Variants in ALK observed in about 807,000 individuals in gnomAD.
ALK encodes the protein ALK tyrosine kinase receptor.
In ALK, 74 loss-of-function variants were observed where a neutral mutation model predicts 163.1. The ratio of observed to expected loss-of-function variants is 0.45; its 90% CI spans 0.38 to 0.55. The LOEUF (loss-of-function observed/expected upper bound fraction) is 0.55, where lower values mean the gene tolerates loss of function less well. Ranked by LOEUF, ALK falls within the 20% of genes least tolerant of loss-of-function variation. ALK has a pLI of 0.00. For synonymous variants in ALK, 960 were observed against 843.2 expected (o/e 1.14, Z -2.40); for missense variants, 2,063 against 2,105.3 (o/e 0.98, Z 0.39).
At chr2:29,381,688 A>G (rs918793613) in intron 5 of ALK, among the ~76,000 whole-genome samples, 4 of 152,200 alleles carry the variant, frequency 2.6e-5, no homozygotes, top group Non-Finnish European at 5.9e-5. Flanking sequence ...ACCTCCTTCA[A>G]AGACACCATT....
At chr2:29,210,907 T>C (rs1234696693) in intron 24 of ALK, among the ~76,000 whole-genome samples, 2 of 152,176 alleles carry the variant, frequency 1.3e-5, no homozygotes, top group Non-Finnish European at 2.9e-5. Flanking sequence ...TTCTACTCTC[T>C]GCTTACCATT....
chr2:29,840,861 T>A (rs1229209798), intron 1 of ALK, among the ~76,000 whole-genome samples: 1 of 152,218 alleles, frequency 6.6e-6, no homozygotes, highest in Non-Finnish European at 1.5e-5. Flanking sequence ...TTTTACAGAT[T>A]TAAGAAAACT....
At chr2:29,375,681 A>C (rs1668738048) in intron 5 of ALK, among the ~76,000 whole-genome samples, 1 of 152,204 alleles carries the variant, frequency 6.6e-6, no homozygotes, top group Non-Finnish European at 1.5e-5. Flanking sequence ...TTATGAGGGA[A>C]ATCTTTAATG....
At position 29,222,317 on chromosome 2, in the gene ALK, G is replaced by A. The variant is rs774392242; in HGVS notation, c.3515+27C>T. On this transcript the variant is annotated intron_variant, in intron 22 of 28. Transcript: ENST00000389048. Reference sequence around the variant, plus strand: ...TTCTTTGGGGGCAGAGGGGAGTTGGGGTGAGGGTGTCTCTCTGTGGCTTTA... The same window carrying A: ...TTCTTTGGGGGCAGAGGGGAGTTGGAGTGAGGGTGTCTCTCTGTGGCTTTA... 12 of 1,610,676 alleles carry A rather than the reference G, an allele frequency of 7.5e-6. No individual in the cohort carries two copies. The African/African-American group carries it at 1.6e-4, about 22-fold the overall frequency.
At chr2:29,834,009 T>C (rs1042738202) in intron 1 of ALK, among the ~76,000 whole-genome samples, 5 of 152,242 alleles carry the variant, frequency 3.3e-5, no homozygotes, top group East Asian at 3.9e-4. Flanking sequence ...GCAAAATCAA[T>C]AGGACACATG....
At chr2:29,824,957 C>A (rs992980971) in intron 1 of ALK, among the ~76,000 whole-genome samples, 1 of 152,108 alleles carries the variant, frequency 6.6e-6, no homozygotes, top group East Asian at 1.9e-4. Context: ...TGAATTTCCA[C>A]GTATTGTGGG....
At chr2:29,578,342 T>C (rs1674584163) in intron 3 of ALK, among the ~76,000 whole-genome samples, 1 of 152,156 alleles carries the variant, frequency 6.6e-6, no homozygotes, top group Admixed American at 6.5e-5. Context: ...CAGTCTCAGG[T>C]ATGTCTTTAT....
chr2:29,615,072 A>G (rs1472257668), intron 3 of ALK, among the ~76,000 whole-genome samples: 1 of 151,904 alleles, frequency 6.6e-6, no homozygotes, highest in East Asian at 1.9e-4. Context: ...ACCTGCCCCA[A>G]CCTCCCGAAG....
chr2:29,857,204 T>C (rs566360810), intron 1 of ALK, among the ~76,000 whole-genome samples: 6 of 152,230 alleles, frequency 3.9e-5, no homozygotes, highest in African/African-American at 1.4e-4. Context: ...GGGAGGTTGA[T>C]GGGAAGGAAT....
intron 4 of ALK, among the ~76,000 whole-genome samples, chr2:29,526,810 C>A (rs533353850): frequency 6.6e-6 from 1 of 152,250 alleles, no homozygotes; most frequent in Admixed American, 6.5e-5. Flanking sequence ...CCCAGAGCAG[C>A]CTGGGAAAAG....
intron 3 of ALK, among the ~76,000 whole-genome samples, chr2:29,545,450 T>A (rs182862501): frequency 1.3e-4 from 20 of 152,356 alleles, no homozygotes; most frequent in Non-Finnish European, 2.4e-4. Flanking sequence ...GGGACCGTGC[T>A]CATTGGCATG....
At chr2:29,445,474 G>T (rs57249034) in intron 4 of ALK, among the ~76,000 whole-genome samples, 3,131 of 152,286 alleles carry the variant, frequency 0.021, 97 homozygotes, top group African/African-American at 0.07. Context: ...CCCTCACATC[G>T]CTTCCCAGTG....
intron 4 of ALK, among the ~76,000 whole-genome samples, chr2:29,524,452 A>G (rs923006876): frequency 6.6e-6 from 1 of 152,244 alleles, no homozygotes; most frequent in African/African-American, 2.4e-5. Context: ...TGGACCCAGA[A>G]GATCTGTTTC....
chr2:29,327,191 TC>T (rs1457803844), intron 6 of ALK, among the ~76,000 whole-genome samples: 1 of 152,174 alleles, frequency 6.6e-6, no homozygotes, highest in Non-Finnish European at 1.5e-5. Flanking sequence ...GGGAGTCTAC[TC>T]CGCCCCGACT....
At chr2:29,371,408 A>G (rs1246211265) in intron 5 of ALK, among the ~76,000 whole-genome samples, 3 of 152,236 alleles carry the variant, frequency 2.0e-5, no homozygotes, top group African/African-American at 7.2e-5. Context: ...GGAAGACTTC[A>G]GCGTGAGCTT....
At chr2:29,329,336 C>T (rs1295873367) in intron 5 of ALK, among the ~76,000 whole-genome samples, 1 of 152,216 alleles carries the variant, frequency 6.6e-6, no homozygotes, top group Non-Finnish European at 1.5e-5. Flanking sequence ...TCTGGCTTAG[C>T]CTCCCTGACC....
At chr2:29,775,537 C>CAAA (rs770320077) in intron 1 of ALK, among the ~76,000 whole-genome samples, 27 of 115,328 alleles carry the variant, frequency 2.3e-4, no homozygotes, top group African/African-American at 5.8e-4. Flanking sequence ...CCTCCCCCTA[C>CAAA]AAAAAAAAAA....
At chr2:29,223,786 T>C (rs559972861) in intron 19 of ALK, 8 of 532,740 alleles carry the variant, frequency 1.5e-5, no homozygotes, top group East Asian at 9.6e-5. Flanking sequence ...AGAGTCATGT[T>C]AGTCTGGTTC....
intron 3 of ALK, among the ~76,000 whole-genome samples, chr2:29,692,847 G>A (rs1312023548): frequency 6.6e-6 from 1 of 152,172 alleles, no homozygotes; most frequent in Non-Finnish European, 1.5e-5. Context: ...TAATTCAAAT[G>A]TTCAATGACG....
Sources: gnomAD v4.1 joint callset for allele counts (sites outside exome capture counted in the v4.1 genomes callset) on GRCh38, gnomAD v4.1.1 for gene constraint, MANE v1.5 for transcripts, NCBI Gene and HGNC (gene_info 2026-07-23, HGNC 2026-07-21) for gene names.